Variants in ZNF138 observed in about 807,000 individuals in gnomAD.
ZNF138 encodes the protein zinc finger protein 138.
ZNF138 carries 33 observed loss-of-function variants against 33.0 expected under a neutral mutation model. The ratio of observed to expected loss-of-function variants is 1.00; its 90% CI spans 0.76 to 1.34. ZNF138 has a LOEUF of 1.34. Ranked by LOEUF, ZNF138 falls within the 40% of genes most tolerant of loss-of-function variation. The probability of loss-of-function intolerance (pLI) is 0.00; values close to 1 mark genes in which losing one functional copy is unlikely to be tolerated. For missense variants in ZNF138, 360 were observed against 370.8 expected (o/e 0.97, Z 0.24); for synonymous variants, 139 against 120.4 (o/e 1.15, Z -1.01).
At chr7:64,852,598 C>G in the ZNF138 span, 12 of 1,528,838 alleles carry the variant, frequency 7.8e-6, no homozygotes, top group East Asian at 2.5e-4. Context: ...GTAAACAGAT[C>G]AGAAGCCCGC....
chr7:64,819,837 CCAAGA>C, intron 3 of ZNF138, among the ~76,000 whole-genome samples: 1 of 147,790 alleles, frequency 6.8e-6, no homozygotes, highest in South Asian at 2.1e-4. Flanking sequence ...TTTTGGGAGG[CCAAGA>C]CAAGAGGATT....
chr7:64,803,345 A>G (rs1395770483), intron 1 of ZNF138, among the ~76,000 whole-genome samples: 1 of 151,942 alleles, frequency 6.6e-6, no homozygotes, highest in Non-Finnish European at 1.5e-5. Context: ...AGAGCACACA[A>G]AAGTTGAGCA....
At chr7:64,840,245 T>C in the ZNF138 span, among the ~76,000 whole-genome samples, 1 of 152,162 alleles carries the variant, frequency 6.6e-6, no homozygotes, top group African/African-American at 2.4e-5. Context: ...TGAAGTATTA[T>C]TATGCCACTA....
rs527252277 is a variant in ZNF138 at position 64,815,501 on chromosome 7, T to A, written c.131-75T>A. On this transcript the variant is annotated intron_variant, in intron 2 of 3. Coordinates refer to ENST00000307355, the MANE Select transcript of ZNF138 (RefSeq NM_001271639.2). Reference sequence around the variant, plus strand: ...TCTCTTTACTGAGCACATTACTAGGTTGGTAATTGGAGAATATGAGCCAGA... The same window carrying A: ...TCTCTTTACTGAGCACATTACTAGGATGGTAATTGGAGAATATGAGCCAGA... 5 of 1,315,676 alleles carry A rather than the reference T, an allele frequency of 3.8e-6. No individual in the cohort carries two copies. The South Asian group carries it at 5.2e-5, about 14-fold the overall frequency. The allele number at this position is 1,315,676 out of a possible 1,614,324, so 81.5% of individuals were successfully genotyped here. A position where few individuals can be genotyped will look rare whatever the true frequency, so the allele number is the denominator to read the frequency against.
intron 1 of ZNF138, among the ~76,000 whole-genome samples, chr7:64,807,613 G>A (rs1204189060): frequency 6.6e-6 from 1 of 152,136 alleles, no homozygotes; most frequent in Non-Finnish European, 1.5e-5. Context: ...TACACAGAAG[G>A]TGTAAATCTC....
chr7:64,832,330 A>G lies in ZNF138; in HGVS notation c.*128A>G. On this transcript the variant is annotated 3_prime_UTR_variant, in exon 4 of 4. Transcript: ENST00000307355. Reference sequence around the variant, plus strand: ...ATAATTCATAGCGGAGAGAAACCCCACAAATGTGAAGAATGTGGCAGAGCT... The same window carrying G: ...ATAATTCATAGCGGAGAGAAACCCCGCAAATGTGAAGAATGTGGCAGAGCT... 2 of 1,572,114 alleles carry G rather than the reference A, an allele frequency of 1.3e-6. No homozygotes were observed. The highest frequency in any genetic ancestry group is 2.2e-5 in the East Asian group (1 of 44,482).
the ZNF138 span, among the ~76,000 whole-genome samples, chr7:64,847,093 A>C: frequency 1.3e-5 from 2 of 152,008 alleles, no homozygotes; most frequent in Non-Finnish European, 2.9e-5. Flanking sequence ...CCATCCATGA[A>C]TCTTTGGTAT....
At chr7:64,815,195 A>G (rs1477309211) in intron 2 of ZNF138, among the ~76,000 whole-genome samples, 151 bp downstream of exon 2, 1 of 151,338 alleles carries the variant, frequency 6.6e-6, no homozygotes, top group Admixed American at 6.6e-5. Flanking sequence ...TTGTCAGTGT[A>G]GAAAACAATT....
chr7:64,849,920 T>C, the ZNF138 span, among the ~76,000 whole-genome samples: 2 of 152,174 alleles, frequency 1.3e-5, no homozygotes, highest in African/African-American at 4.8e-5. Flanking sequence ...CCTTGCTGCC[T>C]GTGGAGTCTG....
the ZNF138 span, among the ~76,000 whole-genome samples, chr7:64,855,294 T>G: frequency 6.6e-6 from 1 of 152,228 alleles, no homozygotes; most frequent in East Asian, 1.9e-4. Flanking sequence ...TCCCAAAGGC[T>G]ATTAGTAAAC....
At chr7:64,823,549 T>G (rs1583870408) in intron 3 of ZNF138, among the ~76,000 whole-genome samples, 1 of 150,964 alleles carries the variant, frequency 6.6e-6, no homozygotes, top group African/African-American at 2.4e-5. Flanking sequence ...TTGCCCAGGC[T>G]GGTCTCAAAC....
intron 3 of ZNF138, among the ~76,000 whole-genome samples, chr7:64,821,568 A>G (rs912138754): frequency 2.6e-5 from 4 of 151,458 alleles, no homozygotes; most frequent in African/African-American, 9.8e-5. Context: ...TGTTTTCGAG[A>G]CACAGTCTCA....
Position 64,832,221 on chromosome 7 carries a change from A to T in ZNF138, c.*19A>T. On this transcript the variant is annotated 3_prime_UTR_variant, in exon 4 of 4. Coordinates refer to ENST00000307355, the MANE Select transcript of ZNF138 (RefSeq NM_001271639.2). ...ATCTTAACAACTTACTGAACATAAGAAAATTTACACTAGAGAGAAAGCCTA... is the reference window on the plus strand; with the variant it reads ...ATCTTAACAACTTACTGAACATAAGTAAATTTACACTAGAGAGAAAGCCTA... 6.2e-7 allele frequency: 1 copy of T among 1,602,590 alleles called. No homozygotes were observed. The highest frequency in any genetic ancestry group is 8.5e-7 in the Non-Finnish European group (1 of 1,176,696).
chr7:64,824,855 G>A (rs887584777), intron 3 of ZNF138, among the ~76,000 whole-genome samples: 9 of 98,056 alleles, frequency 9.2e-5, no homozygotes, highest in African/African-American at 1.6e-4. Flanking sequence ...TTGACTCAAC[G>A]CTTATGAGTC....
At chr7:64,835,117 G>A (rs545484709), downstream of ZNF138, among the ~76,000 whole-genome samples, 4 of 152,064 alleles carry the variant, frequency 2.6e-5, no homozygotes, top group Admixed American at 6.5e-5. Flanking sequence ...AGTGTGACAC[G>A]CCCTAGTGGG....
At chr7:64,840,810 A>G in the ZNF138 span, among the ~76,000 whole-genome samples, 2 of 152,174 alleles carry the variant, frequency 1.3e-5, no homozygotes, top group African/African-American at 4.8e-5. Flanking sequence ...TTTACATAAA[A>G]TTAGCTATGC....
chr7:64,845,321 C>T, the ZNF138 span, among the ~76,000 whole-genome samples: 4 of 152,120 alleles, frequency 2.6e-5, no homozygotes, highest in Non-Finnish European at 4.4e-5. Flanking sequence ...TTTATTTGCT[C>T]GTTGATTGAT....
At chr7:64,807,942 C>A (rs111837574) in intron 1 of ZNF138, among the ~76,000 whole-genome samples, 1 of 152,198 alleles carries the variant, frequency 6.6e-6, no homozygotes, top group Non-Finnish European at 1.5e-5. Context: ...GTAGAGTATT[C>A]TTGTCTTTCA....
chr7:64,809,330 C>T (rs192064846), intron 1 of ZNF138, among the ~76,000 whole-genome samples: 1 of 2,412 alleles, frequency 4.1e-4, no homozygotes, highest in Admixed American at 6.3e-3. Context: ...CCCCCACCTC[C>T]CTCCCGGACG....
Sources: allele counts gnomAD v4.1 joint callset (sites outside exome capture counted in the v4.1 genomes callset), GRCh38; gene constraint gnomAD v4.1.1; transcripts MANE v1.5; gene names NCBI Gene and HGNC (gene_info 2026-07-23, HGNC 2026-07-21).